CLNK: variants seen among roughly 807,000 people sequenced by gnomAD.
CLNK encodes the protein cytokine dependent hematopoietic cell linker.
Under a neutral mutation model 68.6 loss-of-function variants are expected in CLNK, and 74 were observed. The ratio of observed to expected loss-of-function variants is 1.08; its 90% confidence interval spans 0.89 to 1.31. The LOEUF is 1.31. Ranked by LOEUF, CLNK falls within the 50% of genes most tolerant of loss-of-function variation. CLNK has a pLI of 0.00. For synonymous variants in CLNK, 198 were observed against 172.2 expected (o/e 1.15, Z -1.17); for missense variants, 553 against 515.3 (o/e 1.07, Z -0.71).
intron 10 of CLNK, among the ~76,000 whole-genome samples, chr4:10,541,588 A>G (rs1262972040): frequency 2.2e-5 from 3 of 136,128 alleles, no homozygotes; most frequent in African/African-American, 2.5e-5. Flanking sequence ...TATATGTGTC[A>G]TATATATATG....
chr4:10,540,544 C>G lies in CLNK; in HGVS notation c.552G>C (p.Arg184Ser). ...AGGTGTGTCTCTGAGATAAAGGTGGCCTGCTGCTCTCCGGCTCAGGGGGCA... is the reference window on the plus strand; with the variant it reads ...AGGTGTGTCTCTGAGATAAAGGTGGGCTGCTGCTCTCCGGCTCAGGGGGCA... ...QPLPPEPESS[R>S]PPLSQRHTFP... Residue 184 changes from arginine (R) to serine (S), a missense_variant, in exon 11 of 19, where the codon AGG becomes AGC. Coordinates refer to ENST00000226951, the MANE Select transcript of CLNK (RefSeq NM_052964.4). 2 of 1,613,884 alleles carry G rather than the reference C, an allele frequency of 1.2e-6. No homozygotes were observed. Among genetic ancestry groups the G allele is most frequent in the Non-Finnish European group, 1.7e-6 (2 of 1,179,840 alleles).
chr4:10,532,331 A>T, intron 11 of CLNK, 48 bp from the exon 12 acceptor site: 1 of 1,492,078 alleles, frequency 6.7e-7, no homozygotes, highest in Non-Finnish European at 9.3e-7. Flanking sequence ...GTTCATAATG[A>T]CCAAGATAAA....
At chr4:10,670,298 T>G (rs563712190) in intron 1 of CLNK, among the ~76,000 whole-genome samples, 1 of 152,252 alleles carries the variant, frequency 6.6e-6, no homozygotes, top group Non-Finnish European at 1.5e-5. Flanking sequence ...TTAAATTACT[T>G]GATTACAGTC....
chr4:10,705,384 C>T, the CLNK span, among the ~76,000 whole-genome samples: 5 of 152,188 alleles, frequency 3.3e-5, no homozygotes, highest in African/African-American at 1.2e-4. Flanking sequence ...TTAAACAATA[C>T]AGTTTTAAAA....
intron 2 of CLNK, among the ~76,000 whole-genome samples, chr4:10,646,807 T>A (rs529869115): frequency 6.6e-6 from 1 of 152,296 alleles, no homozygotes; most frequent in South Asian, 2.1e-4. Context: ...CATTATCCCT[T>A]AAGATCAACT....
rs1271723041 is a variant in CLNK, at chr4:10,502,697, T to G, written c.985-1286A>C. Among the ~76,000 whole-genome samples, 6 of 151,986 alleles carry G rather than the reference T, an allele frequency of 3.9e-5. No individual in the cohort carries two copies. In the East Asian group the frequency reaches 1.2e-3, roughly 30 times the overall value. On this transcript the variant is annotated intron_variant, in intron 17 of 18. Coordinates refer to ENST00000226951, the MANE Select transcript of CLNK (RefSeq NM_052964.4). ...GAAAGATGTCTATGCAGAATTAGGG[T>G]TCCTGAAAGAGACATGGGGCTTTTA... is the stretch of plus-strand genomic sequence containing the variant.
At chr4:10,722,670 G>GATAAAATAA in the CLNK span, among the ~76,000 whole-genome samples, 1 of 152,322 alleles carries the variant, frequency 6.6e-6, no homozygotes, top group Admixed American at 6.5e-5. Context: ...GATTTATTGA[G>GATAAAATAA]ATCTGCTATT....
At chr4:10,586,313 T>A (rs1439359774) in intron 3 of CLNK, among the ~76,000 whole-genome samples, 1 of 150,040 alleles carries the variant, frequency 6.7e-6, no homozygotes, top group East Asian at 2.0e-4. Flanking sequence ...TTAAACCTCA[T>A]CTCTGAATCT....
At chr4:10,656,061 G>T (rs1384029765) in intron 2 of CLNK, among the ~76,000 whole-genome samples, 1 of 151,990 alleles carries the variant, frequency 6.6e-6, no homozygotes, top group South Asian at 2.1e-4. Context: ...TTAATCAATT[G>T]CAGGCTATTA....
At chr4:10,699,310 C>CCTGTATACACACACACCACATACGTGT in the CLNK span, among the ~76,000 whole-genome samples, 5 of 34,422 alleles carry the variant, frequency 1.5e-4, 1 homozygote, top group East Asian at 4.4e-3. Context: ...ACACCACATA[C>CCTGTATACACACACACCACATACGTGT]GTGTATACAC....
the CLNK span, among the ~76,000 whole-genome samples, chr4:10,700,665 C>T: frequency 6.6e-6 from 1 of 152,124 alleles, no homozygotes; most frequent in Non-Finnish European, 1.5e-5. Flanking sequence ...CTCTAAGCCA[C>T]GTGACCCTTT....
the CLNK span, among the ~76,000 whole-genome samples, chr4:10,699,282 A>G: frequency 2.7e-3 from 155 of 56,384 alleles, 4 homozygotes; most frequent in African/African-American, 7.2e-3. Flanking sequence ...CACACACCAC[A>G]TACGTGTATA....
chr4:10,720,821 T>C, the CLNK span, among the ~76,000 whole-genome samples: 1 of 151,128 alleles, frequency 6.6e-6, no homozygotes, highest in South Asian at 2.1e-4. Context: ...AACTAACAAT[T>C]GCACTCCTGG....
chr4:10,667,369 G>A (rs1351126778), intron 2 of CLNK, among the ~76,000 whole-genome samples: 1 of 98,958 alleles, frequency 1.0e-5, no homozygotes, highest in Non-Finnish European at 2.0e-5. Flanking sequence ...TTTGAGTCCT[G>A]CTAATTTTTT....
At chr4:10,514,853 C>T (rs1387511610) in intron 15 of CLNK, among the ~76,000 whole-genome samples, 1 of 152,102 alleles carries the variant, frequency 6.6e-6, no homozygotes, top group Non-Finnish European at 1.5e-5. Flanking sequence ...ACCTGCTACT[C>T]ATCTGACAAA....
At chr4:10,616,406 G>A (rs2531194) in intron 2 of CLNK, among the ~76,000 whole-genome samples, 105,281 of 152,098 alleles carry the variant, frequency 0.69, 37,370 homozygotes, top group East Asian at 0.77. Context: ...ATAACATTGC[G>A]AATAGCACAA....
chr4:10,592,987 A>G (rs550331631), intron 3 of CLNK, among the ~76,000 whole-genome samples: 9 of 152,194 alleles, frequency 5.9e-5, no homozygotes, highest in African/African-American at 2.2e-4. Flanking sequence ...TCAGCCTCCC[A>G]AAGTGCTGGG....
chr4:10,530,716 C>A (rs1276345385), intron 12 of CLNK, among the ~76,000 whole-genome samples: 1 of 152,168 alleles, frequency 6.6e-6, no homozygotes, highest in South Asian at 2.1e-4. Flanking sequence ...TCATCGTCAT[C>A]GTGAGCAGCA....
At chr4:10,630,946 A>C (rs1229254899) in intron 2 of CLNK, among the ~76,000 whole-genome samples, 1 of 152,188 alleles carries the variant, frequency 6.6e-6, no homozygotes, top group Admixed American at 6.5e-5. Flanking sequence ...AGAAATAAAT[A>C]AGGGCTGTAC....
Sources: allele counts gnomAD v4.1 joint callset (sites outside exome capture counted in the v4.1 genomes callset), GRCh38; gene constraint gnomAD v4.1.1; transcripts MANE v1.5; gene names NCBI Gene and HGNC (gene_info 2026-07-23, HGNC 2026-07-21).